RNF38: variants seen among roughly 807,000 people sequenced by gnomAD.
RNF38 encodes the protein E3 ubiquitin-protein ligase RNF38.
RNF38 carries 15 observed loss-of-function variants against 67.2 expected under a neutral mutation model. That is an observed-to-expected ratio of 0.22 (90% CI 0.15 to 0.34). RNF38 has a LOEUF of 0.34. RNF38 is among the 10% of genes least tolerant of loss of function. The pLI is 1.00. For synonymous variants in RNF38, 220 were observed against 218.8 expected (o/e 1.01, Z -0.05); for missense variants, 524 against 639.9 (o/e 0.82, Z 1.95).
In RNF38 at chr9:36,476,320, G is replaced by A. The variant is rs917420110; in HGVS notation, n.241+10988C>T. On this transcript the variant is annotated intron_variant and non_coding_transcript_variant, in intron 1 of 3. Coordinates refer to the RNF38 transcript ENST00000488058. ...TTTAGTAGAGACGGGGTTTCCCCTTGGCCAAGCTGGTCTTGAACTGACCTC... is the reference window on the plus strand; with the variant it reads ...TTTAGTAGAGACGGGGTTTCCCCTTAGCCAAGCTGGTCTTGAACTGACCTC... Among the ~76,000 whole-genome samples the A allele has an allele frequency of 8.6e-5, 13 of 151,968 alleles. No individual in the cohort carries two copies. In the East Asian group the frequency reaches 2.5e-3, roughly 30 times the overall value.
At chr9:36,471,895 C>T (rs1269968340) in intron 1 of RNF38, among the ~76,000 whole-genome samples, 1 of 152,182 alleles carries the variant, frequency 6.6e-6, no homozygotes, top group African/African-American at 2.4e-5. Context: ...ATCCAATTTA[C>T]AAATTCACTT....
chr9:36,418,850 C>T (rs1343084217), intron 2 of RNF38, among the ~76,000 whole-genome samples: 2 of 151,992 alleles, frequency 1.3e-5, no homozygotes, highest in Admixed American at 1.3e-4. Context: ...GTAATCCCAG[C>T]TACTCGGGAG....
chr9:36,448,618 G>A (rs1254523075), intron 1 of RNF38, among the ~76,000 whole-genome samples: 1 of 152,122 alleles, frequency 6.6e-6, no homozygotes, highest in Non-Finnish European at 1.5e-5. Flanking sequence ...ACTAGATAAT[G>A]TAAAGTGCCT....
chr9:36,339,144 A>T lies in RNF38; in HGVS notation c.*608T>A, dbSNP rs1269046101. On this transcript the variant is annotated 3_prime_UTR_variant, in exon 12 of 12. Transcript: ENST00000259605. Reference sequence around the variant, plus strand: ...CAATCAGTGTGCAACAGCAAACACAAGGGAAAAAAACCAGTGTACAGTACT... The same window carrying T: ...CAATCAGTGTGCAACAGCAAACACATGGGAAAAAAACCAGTGTACAGTACT... The T allele has an allele frequency of 6.6e-6, 1 of 152,652 alleles. No individual in the cohort carries two copies. The highest frequency in any genetic ancestry group is 1.5e-5 in the Non-Finnish European group (1 of 68,052). The allele number at this position is 152,652 out of a possible 1,614,324, so 9.5% of individuals were successfully genotyped here.
Position 36,339,660 on chromosome 9 carries a change from G to A in RNF38, c.*92C>T, listed in dbSNP as rs1832698872. 1.0e-6 allele frequency: 1 copy of A among 986,712 alleles called. No homozygotes were observed. Among genetic ancestry groups the A allele is most frequent in the South Asian group, 1.4e-5 (1 of 72,762 alleles). The allele number at this position is 986,712 out of a possible 1,614,324, so 61.1% of individuals were successfully genotyped here. ...TCCATTGACCCTTTTGGTAAAGGGA[G>A]GGCTGGAAGCCACACAGATTAAGTT... On this transcript the variant is annotated 3_prime_UTR_variant, in exon 12 of 12. Coordinates refer to ENST00000259605, the MANE Select transcript of RNF38 (RefSeq NM_022781.5).
Position 36,451,491 on chromosome 9 carries a change from G to GTTTT in RNF38, n.242-26812_242-26809dup, listed in dbSNP as rs374396585. 2.9e-4 allele frequency among the ~76,000 whole-genome samples: 17 copies of GTTTT among 58,688 alleles called. 1 individual carries two copies. The South Asian group carries it at 3.1e-3, about 11-fold the overall frequency. 38.5% of individuals were successfully genotyped at this position (58,688 alleles called of 152,430 possible). A position where few individuals can be genotyped will look rare whatever the true frequency, so the allele number is the denominator to read the frequency against. ...TAAAGAAGAAAAAAAAATTGTAGTA[G>GTTTT]TTTTTTTTTTTTTTTTTTTTTTTTT... On this transcript the variant is annotated intron_variant and non_coding_transcript_variant, in intron 1 of 3. Transcript: ENST00000488058.
At chr9:36,381,832 G>C (rs1439244112) in intron 2 of RNF38, among the ~76,000 whole-genome samples, 1 of 152,108 alleles carries the variant, frequency 6.6e-6, no homozygotes, top group African/African-American at 2.4e-5. Flanking sequence ...ACATTTCCTT[G>C]GGACCTCCTG....
At chr9:36,383,634 T>G (rs894720502) in intron 2 of RNF38, among the ~76,000 whole-genome samples, 2 of 152,232 alleles carry the variant, frequency 1.3e-5, no homozygotes, top group African/African-American at 2.4e-5. Flanking sequence ...ATCACAATTT[T>G]GCAATGAAAT....
At chr9:36,443,403 G>A (rs1839238575) in intron 1 of RNF38, among the ~76,000 whole-genome samples, 1 of 152,186 alleles carries the variant, frequency 6.6e-6, no homozygotes, top group African/African-American at 2.4e-5. Flanking sequence ...AGATATTAAA[G>A]CAATGGCTGA....
Position 36,487,500 on chromosome 9 carries a change from C to CGGCGGCGGCGGCTGCTGA in RNF38, n.31_48dup, listed in dbSNP as rs1344153413. ...GACGACGACTGAGGCTGAAAGTGCG[C>CGGCGGCGGCGGCTGCTGA]GGCGGCGGCGGCTGCTGAGGCGGCG... is the stretch of plus-strand genomic sequence containing the variant. On this transcript the variant is annotated non_coding_transcript_exon_variant, in exon 1 of 4. Transcript: ENST00000488058. The CGGCGGCGGCGGCTGCTGA allele has an allele frequency of 2.3e-5, 22 of 977,442 alleles. No individual in the cohort carries two copies. The African/African-American group carries it at 2.7e-4, about 12-fold the overall frequency. 60.5% of individuals were successfully genotyped at this position (977,442 alleles called of 1,614,324 possible). A position where few individuals can be genotyped will look rare whatever the true frequency, so the allele number is the denominator to read the frequency against.
At chr9:36,400,014 C>A in intron 1 of RNF38, 83 bp downstream of exon 1, 1 of 1,252,940 alleles carries the variant, frequency 8.0e-7, no homozygotes, top group South Asian at 1.3e-5. Context: ...GTGTGTGTTT[C>A]TACTTACGGT....
At chr9:36,450,714 A>AG (rs1179796611) in intron 1 of RNF38, among the ~76,000 whole-genome samples, 1 of 152,110 alleles carries the variant, frequency 6.6e-6, no homozygotes, top group Non-Finnish European at 1.5e-5. Context: ...CAGGAGTTTG[A>AG]GAACAGCCTG....
At position 36,416,108 on chromosome 9, in the gene RNF38, A is replaced by G. The variant is rs7045049; in HGVS notation, n.312+8505T>C. Among the ~76,000 whole-genome samples the G allele has an allele frequency of 3.7e-3, 557 of 150,922 alleles. 3 individuals carry two copies. Among genetic ancestry groups the G allele is most frequent in the African/African-American group, 0.013 (533 of 41,066 alleles). On this transcript the variant is annotated intron_variant and non_coding_transcript_variant, in intron 2 of 3. Coordinates refer to the RNF38 transcript ENST00000488058. Reference sequence around the variant, plus strand: ...GTTTTGTTTTACGCTACCAGGGCGGAAAAAGACCATCAAGTAAGGGCCAGG... The same window carrying G: ...GTTTTGTTTTACGCTACCAGGGCGGGAAAAGACCATCAAGTAAGGGCCAGG...
chr9:36,345,039 T>C (rs947529787), intron 9 of RNF38, 86 bp from the exon 10 acceptor site: 7 of 1,429,944 alleles, frequency 4.9e-6, no homozygotes, highest in Non-Finnish European at 6.7e-6. Context: ...GGAGTCCTGC[T>C]ATGTTGCCCA....
At chr9:36,468,700 T>C (rs1406135886) in intron 1 of RNF38, among the ~76,000 whole-genome samples, 1 of 151,818 alleles carries the variant, frequency 6.6e-6, no homozygotes, top group Non-Finnish European at 1.5e-5. Flanking sequence ...TAATCCCAGC[T>C]ACTCGGGAGG....
At chr9:36,483,693 A>G (rs1175810184) in intron 1 of RNF38, among the ~76,000 whole-genome samples, 5 of 152,220 alleles carry the variant, frequency 3.3e-5, no homozygotes, top group African/African-American at 9.7e-5. Context: ...TCACAAGCTA[A>G]AACAATCACT....
intron 1 of RNF38, among the ~76,000 whole-genome samples, chr9:36,479,537 G>A (rs919518924): frequency 6.6e-6 from 1 of 152,156 alleles, no homozygotes; most frequent in African/African-American, 2.4e-5. Flanking sequence ...GGAGCAGAAG[G>A]AAGCAAGAAA....
chr9:36,450,021 T>C (rs1205056372), intron 1 of RNF38, among the ~76,000 whole-genome samples: 1 of 152,256 alleles, frequency 6.6e-6, no homozygotes, highest in East Asian at 1.9e-4. Context: ...TGTATTTATA[T>C]GCGATCATAT....
intron 1 of RNF38, among the ~76,000 whole-genome samples, chr9:36,471,181 G>A (rs978775580): frequency 3.9e-5 from 6 of 152,150 alleles, no homozygotes; most frequent in African/African-American, 1.4e-4. Flanking sequence ...CCCAGACCCA[G>A]GAAGTAGCAA....
Sources: allele counts gnomAD v4.1 joint callset (sites outside exome capture counted in the v4.1 genomes callset), GRCh38; gene constraint gnomAD v4.1.1; transcripts MANE v1.5; gene names NCBI Gene and HGNC (gene_info 2026-07-23, HGNC 2026-07-21).